FGF13: variants seen among roughly 807,000 people sequenced by gnomAD.
FGF13 encodes the protein fibroblast growth factor homologous factor 2.
Under a neutral mutation model 19.5 loss-of-function variants are expected in FGF13, and 2 were observed. The observed-to-expected ratio is 0.10, with a 90% CI of 0.04 to 0.32. FGF13 has a LOEUF of 0.32. Among genes scored for constraint, FGF13 ranks in the 10% least tolerant of loss-of-function variants. The pLI is 1.00. For missense variants in FGF13, 113 were observed against 192.7 expected, an observed-to-expected ratio of 0.59 and a Z score of 2.45; for synonymous variants, 72 against 76.9, an observed-to-expected ratio of 0.94 and a Z score of 0.33.
At chrX:138,641,038 T>C (rs1169519820) in intron 3 of FGF13, among the ~76,000 whole-genome samples, 1 of 112,240 alleles carries the variant, frequency 8.9e-6, no homozygotes, top group Non-Finnish European at 1.9e-5. Flanking sequence ...ATACATAAAA[T>C]GGGAACACTA....
chrX:138,977,325 G>A (rs2091943551), intron 1 of FGF13, among the ~76,000 whole-genome samples: 1 of 112,107 alleles, frequency 8.9e-6, no homozygotes, highest in Admixed American at 9.4e-5. Flanking sequence ...CATGAGGAAG[G>A]CATTGAAATG....
intron 3 of FGF13, among the ~76,000 whole-genome samples, chrX:138,845,849 G>A (rs1369559265): frequency 9.0e-6 from 1 of 111,638 alleles, no homozygotes; most frequent in Non-Finnish European, 1.9e-5. Context: ...AAGTACAGAG[G>A]GGAAATGGCT....
At chrX:138,925,146 T>C (rs1436514016) in intron 1 of FGF13, among the ~76,000 whole-genome samples, 1 of 112,178 alleles carries the variant, frequency 8.9e-6, no homozygotes, top group Non-Finnish European at 1.9e-5. Context: ...GTATGCTTCA[T>C]ATACATTGCT....
intron 1 of FGF13, among the ~76,000 whole-genome samples, chrX:139,124,293 G>A (rs769344801): frequency 2.7e-5 from 3 of 112,546 alleles, no homozygotes; most frequent in Admixed American, 9.4e-5. Flanking sequence ...CCTCAACAAC[G>A]GGATAATAGG....
chrX:139,010,751 G>C (rs1489791282), intron 1 of FGF13, among the ~76,000 whole-genome samples: 1 of 110,440 alleles, frequency 9.1e-6, no homozygotes, highest in East Asian at 2.8e-4. Context: ...CAGAAGTGGA[G>C]CAACAAGAAC....
intron 3 of FGF13, among the ~76,000 whole-genome samples, chrX:138,791,153 T>C (rs1446746191): frequency 1.8e-5 from 2 of 112,484 alleles, no homozygotes; most frequent in East Asian, 5.6e-4. Context: ...ATTTACATTG[T>C]ATAAGGTATT....
chrX:138,709,519 T>A (rs2090022664), intron 1 of FGF13, among the ~76,000 whole-genome samples: 1 of 112,126 alleles, frequency 8.9e-6, no homozygotes, highest in Middle Eastern at 4.2e-3. Flanking sequence ...ACAAATCTTG[T>A]CATATTAATT....
intron 3 of FGF13, among the ~76,000 whole-genome samples, chrX:138,784,787 C>T (rs1041296459): frequency 1.1e-4 from 12 of 111,530 alleles, no homozygotes; most frequent in Non-Finnish European, 1.9e-5. Context: ...TTATATTCAC[C>T]ATTTTCCAAA....
intron 1 of FGF13, among the ~76,000 whole-genome samples, chrX:139,186,582 G>T (rs1569462473): frequency 9.0e-6 from 1 of 111,608 alleles, no homozygotes; most frequent in East Asian, 2.8e-4. Flanking sequence ...CATTTGAAAT[G>T]AAATCCAAAC....
chrX:138,794,017 A>T (rs2090759874), intron 3 of FGF13, among the ~76,000 whole-genome samples: 1 of 111,770 alleles, frequency 8.9e-6, no homozygotes, highest in Non-Finnish European at 1.9e-5. Context: ...AGCAAGGGGC[A>T]GGGACTGTAC....
intron 2 of FGF13, among the ~76,000 whole-genome samples, chrX:138,704,009 C>T (rs1052091133): frequency 1.1e-4 from 12 of 112,124 alleles, no homozygotes; most frequent in Non-Finnish European, 1.9e-4. Flanking sequence ...CCACCATGCC[C>T]GGCTTCAGAG....
intron 3 of FGF13, among the ~76,000 whole-genome samples, chrX:138,846,405 C>T (rs1374093206): frequency 9.0e-6 from 1 of 111,430 alleles, no homozygotes; most frequent in Admixed American, 9.6e-5. Context: ...AGGTTTTACA[C>T]CCAATTCAGG....
intron 3 of FGF13, among the ~76,000 whole-genome samples, chrX:138,656,541 T>C (rs1393270580): frequency 9.0e-6 from 1 of 111,464 alleles, no homozygotes; most frequent in Non-Finnish European, 1.9e-5. Context: ...TATCTCTTGG[T>C]TGGCAAGGAG....
At chrX:138,650,054 T>C (rs1184772022) in intron 3 of FGF13, among the ~76,000 whole-genome samples, 1 of 112,242 alleles carries the variant, frequency 8.9e-6, no homozygotes, top group African/African-American at 3.2e-5. Flanking sequence ...AGCATGTGCC[T>C]TCTCTAGACA....
At chrX:138,947,655 A>T (rs761283167) in intron 1 of FGF13, among the ~76,000 whole-genome samples, 1 of 111,318 alleles carries the variant, frequency 9.0e-6, no homozygotes, top group African/African-American at 3.3e-5. Context: ...CTCAGCTATC[A>T]GAGCCCAAGA....
At chrX:138,673,749 A>G (rs1430802556) in intron 3 of FGF13, among the ~76,000 whole-genome samples, 1 of 111,591 alleles carries the variant, frequency 9.0e-6, no homozygotes, top group Non-Finnish European at 1.9e-5. Context: ...AGAGAGAAAG[A>G]AAGAAAAGAA....
intron 3 of FGF13, among the ~76,000 whole-genome samples, chrX:138,814,848 T>C (rs776774317): frequency 3.6e-5 from 4 of 110,981 alleles, no homozygotes; most frequent in Non-Finnish European, 5.7e-5. Flanking sequence ...GGATACACGT[T>C]AAAAAAATAA....
chrX:138,987,283 T>C (rs1242364079), intron 1 of FGF13, among the ~76,000 whole-genome samples: 2 of 111,799 alleles, frequency 1.8e-5, no homozygotes, highest in Non-Finnish European at 3.8e-5. Flanking sequence ...GGTCACTGTT[T>C]GCTCTGCCCC....
chrX:139,013,476 ATT>A (rs2092138330), intron 1 of FGF13, among the ~76,000 whole-genome samples: 1 of 75,485 alleles, frequency 1.3e-5, no homozygotes, highest in African/African-American at 5.4e-5. Flanking sequence ...GATAAAGAAA[ATT>A]TTATATATAT....
Sources: allele counts gnomAD v4.1 joint callset (sites outside exome capture counted in the v4.1 genomes callset), GRCh38; gene constraint gnomAD v4.1.1; transcripts MANE v1.5; gene names NCBI Gene and HGNC (gene_info 2026-07-23, HGNC 2026-07-21).